Variants in FBXW10B observed in about 807,000 individuals in gnomAD.
The protein encoded by FBXW10B is F-box and WD repeat domain containing protein 10B.
At chr17:15,611,116 CG>C in the FBXW10B span, among the ~76,000 whole-genome samples, 1 of 151,582 alleles carries the variant, frequency 6.6e-6, no homozygotes, top group African/African-American at 2.4e-5. Context: ...CTCCGCCTCC[CG>C]GGTTCACACC....
chr17:15,617,188 A>G, the FBXW10B span, among the ~76,000 whole-genome samples: 1 of 152,192 alleles, frequency 6.6e-6, no homozygotes, highest in Non-Finnish European at 1.5e-5. Context: ...TCATTCTTCC[A>G]TACCCCTGAC....
At chr17:15,591,020 A>C in the FBXW10B span, among the ~76,000 whole-genome samples, 1 of 152,098 alleles carries the variant, frequency 6.6e-6, no homozygotes, top group South Asian at 2.1e-4. Flanking sequence ...TGGGCAGTTC[A>C]GTCCCAGGCC....
the FBXW10B span, among the ~76,000 whole-genome samples, chr17:15,577,271 C>G: frequency 1.3e-5 from 2 of 152,120 alleles, no homozygotes; most frequent in Non-Finnish European, 2.9e-5. Flanking sequence ...TAAAATAAAA[C>G]TGTTCTCTAT....
At chr17:15,584,838 A>G in the FBXW10B span, among the ~76,000 whole-genome samples, 1 of 152,168 alleles carries the variant, frequency 6.6e-6, no homozygotes, top group African/African-American at 2.4e-5. Context: ...CTAAACTTAC[A>G]CATAAAATGG....
chr17:15,576,321 G>T, the FBXW10B span, among the ~76,000 whole-genome samples: 1 of 152,180 alleles, frequency 6.6e-6, no homozygotes, highest in Non-Finnish European at 1.5e-5. Flanking sequence ...TTGATCACCT[G>T]TAATGTACAA....
At chr17:15,566,165 C>G in the FBXW10B span, 1 of 1,611,396 alleles carries the variant, frequency 6.2e-7, no homozygotes, top group South Asian at 1.1e-5. Flanking sequence ...CCCCAGACAT[C>G]AGTAATTTCT....
the FBXW10B span, among the ~76,000 whole-genome samples, chr17:15,569,631 T>A: frequency 2.0e-5 from 3 of 151,792 alleles, no homozygotes; most frequent in African/African-American, 7.3e-5. Context: ...AGGTAATTTT[T>A]TTTTACTTTG....
the FBXW10B span, among the ~76,000 whole-genome samples, chr17:15,595,882 C>T: frequency 6.6e-6 from 1 of 151,224 alleles, no homozygotes; most frequent in Admixed American, 6.6e-5. Context: ...AAAAATGCTT[C>T]GTTCATCCCC....
the FBXW10B span, among the ~76,000 whole-genome samples, chr17:15,597,761 T>C: frequency 2.2e-5 from 3 of 137,288 alleles, no homozygotes; most frequent in Admixed American, 2.3e-4. Context: ...GGACAAGTGG[T>C]CTGAGACAAA....
the FBXW10B span, among the ~76,000 whole-genome samples, chr17:15,618,781 T>C: frequency 6.6e-6 from 1 of 152,230 alleles, no homozygotes; most frequent in Non-Finnish European, 1.5e-5. Context: ...AGTTGTGTAC[T>C]TCCTCCTGCA....
At chr17:15,614,228 G>A in the FBXW10B span, among the ~76,000 whole-genome samples, 22,240 of 151,634 alleles carry the variant, frequency 0.15, 1,747 homozygotes, top group East Asian at 0.24. Context: ...TCGCTCTGTC[G>A]CCCAGGTTGG....
chr17:15,568,764 A>G, the FBXW10B span: 4 of 755,248 alleles, frequency 5.3e-6, no homozygotes, highest in Non-Finnish European at 7.2e-6. Flanking sequence ...ACCTTAATTT[A>G]TGTTCCAAAG....
At chr17:15,607,653 T>C in the FBXW10B span, 1 of 1,613,698 alleles carries the variant, frequency 6.2e-7, no homozygotes, top group Non-Finnish European at 8.5e-7. Flanking sequence ...GTTTCCTCGT[T>C]CTGGTATGCA....
the FBXW10B span, among the ~76,000 whole-genome samples, chr17:15,567,931 T>C: frequency 4.0e-5 from 6 of 151,398 alleles, no homozygotes; most frequent in Admixed American, 3.9e-4. Context: ...TGGGGAGAAG[T>C]AAGCAAAAAC....
At chr17:15,582,253 A>G in the FBXW10B span, among the ~76,000 whole-genome samples, 3 of 149,034 alleles carry the variant, frequency 2.0e-5, no homozygotes, top group African/African-American at 5.0e-5. Context: ...AGTCTTTGAC[A>G]TAATAGTGTT....
At chr17:15,596,880 G>A in the FBXW10B span, among the ~76,000 whole-genome samples, 1 of 152,120 alleles carries the variant, frequency 6.6e-6, no homozygotes, top group Non-Finnish European at 1.5e-5. Flanking sequence ...ACAGGTGGTT[G>A]AGGGAGCCCG....
chr17:15,590,960 T>G, the FBXW10B span, among the ~76,000 whole-genome samples: 1 of 151,874 alleles, frequency 6.6e-6, no homozygotes, highest in Admixed American at 6.6e-5. Flanking sequence ...AGGGCCAGAG[T>G]CAGGGCCAAG....
At chr17:15,613,682 A>G in the FBXW10B span, 1 of 1,602,416 alleles carries the variant, frequency 6.2e-7, no homozygotes, top group Non-Finnish European at 8.5e-7. Context: ...CTGTTGAGCC[A>G]TGGCGGCCCA....
the FBXW10B span, among the ~76,000 whole-genome samples, chr17:15,579,894 T>C: frequency 6.6e-6 from 1 of 151,956 alleles, no homozygotes; most frequent in South Asian, 2.1e-4. Context: ...TGATGTTTAG[T>C]AAACAAAACA....
Sources: gnomAD v4.1 joint callset for allele counts (sites outside exome capture counted in the v4.1 genomes callset) on GRCh38, gnomAD v4.1.1 for gene constraint, MANE v1.5 for transcripts, NCBI Gene and HGNC (gene_info 2026-07-23, HGNC 2026-07-21) for gene names.